The following THSD7B variants were observed in gnomAD, a reference collection of about 807,000 sequenced individuals.
THSD7B encodes thrombospondin type-1 domain-containing protein 7B.
Under a neutral mutation model 213.6 loss-of-function variants are expected in THSD7B, and 138 were observed. That is an observed-to-expected ratio of 0.65 (90% CI 0.56 to 0.74). THSD7B has a LOEUF of 0.74. Ranked by LOEUF, THSD7B falls within the 30% of genes least tolerant of loss-of-function variation. The probability of loss-of-function intolerance (pLI) is 0.00; values close to 1 mark genes in which losing one functional copy is unlikely to be tolerated. For synonymous variants in THSD7B, 742 were observed against 687.0 expected (o/e 1.08, Z -1.25); for missense variants, 1,931 against 1,991.5 (o/e 0.97, Z 0.58).
At chr2:137,201,567 C>A (rs1680876123) in intron 7 of THSD7B, among the ~76,000 whole-genome samples, 1 of 152,086 alleles carries the variant, frequency 6.6e-6, no homozygotes, top group South Asian at 2.1e-4. Flanking sequence ...ACATTGTACT[C>A]CATAAGTATA....
At chr2:137,474,937 A>G (rs1278721860) in intron 15 of THSD7B, among the ~76,000 whole-genome samples, 1 of 152,154 alleles carries the variant, frequency 6.6e-6, no homozygotes, top group Non-Finnish European at 1.5e-5. Context: ...TCCCATTTCT[A>G]TTCACTTCTT....
rs577998537 is a variant in THSD7B at position 137,030,846 on chromosome 2, G to A, written c.140-25574G>A. Among the ~76,000 whole-genome samples, 22 of 152,240 alleles carry A rather than the reference G, an allele frequency of 1.4e-4. No individual in the cohort carries two copies. The South Asian group carries it at 4.6e-3, about 32-fold the overall frequency. On this transcript the variant is annotated intron_variant, in intron 2 of 27. Transcript: ENST00000409968. The stretch of plus-strand genomic sequence containing the variant: ...AGTGTACACTATTTGGGTGATGGGT[G>A]CGGTAAAATCCTAGACTTCACCACT...
chr2:137,206,046 CT>C (rs35864577), intron 7 of THSD7B, among the ~76,000 whole-genome samples: 17 of 148,142 alleles, frequency 1.1e-4, no homozygotes, highest in Admixed American at 3.4e-4. Context: ...AGTGATTATC[CT>C]TTTTTTTTTT....
rs532040259 is a variant in THSD7B at position 137,128,895 on chromosome 2, A to G, written c.1369+13602A>G. The stretch of plus-strand genomic sequence containing the variant: ...GAGTTCCTATAAGAACCTTTTTCCA[A>G]TGAAAAGAACTTTAAGTGTCCAGGC... On this transcript the variant is annotated intron_variant, in intron 5 of 27. Transcript: ENST00000409968. Among the ~76,000 whole-genome samples the G allele has an allele frequency of 1.4e-4, 22 of 152,324 alleles. No individual in the cohort carries two copies. In the East Asian group the frequency reaches 2.7e-3, roughly 19 times the overall value.
rs869146863 is a variant in THSD7B at position 137,238,534 on chromosome 2, C to CTTTTTTTTTT, written c.2151-3902_2151-3893dup. 2.6e-3 allele frequency among the ~76,000 whole-genome samples: 136 copies of CTTTTTTTTTT among 51,876 alleles called. 24 individuals carry two copies. Among genetic ancestry groups the CTTTTTTTTTT allele is most frequent in the Non-Finnish European group, 2.9e-3 (83 of 28,870 alleles). 34.0% of individuals were successfully genotyped at this position (51,876 alleles called of 152,430 possible). A position where few individuals can be genotyped will look rare whatever the true frequency, so the allele number is the denominator to read the frequency against. On this transcript the variant is annotated intron_variant, in intron 9 of 27. Coordinates refer to ENST00000409968, the MANE Select transcript of THSD7B (RefSeq NM_001316349.2). Reference sequence around the variant, plus strand: ...TATCCTGATAATGACACTCATCTTTCTTTTTTTTTTTTTTTTTTTTTTTTT... The same window carrying CTTTTTTTTTT: ...TATCCTGATAATGACACTCATCTTTCTTTTTTTTTTTTTTTTTTTTTTTTTTTTTTTTTTT...
At chr2:137,323,526 C>G (rs1283329088) in intron 12 of THSD7B, among the ~76,000 whole-genome samples, 3 of 152,198 alleles carry the variant, frequency 2.0e-5, no homozygotes, top group Non-Finnish European at 1.5e-5. Context: ...TCTTCACTAA[C>G]TATGCTGAGA....
At chr2:136,997,319 T>G (rs750240290) in intron 2 of THSD7B, among the ~76,000 whole-genome samples, 2 of 152,240 alleles carry the variant, frequency 1.3e-5, no homozygotes, top group Non-Finnish European at 2.9e-5. Context: ...TACTTTATTC[T>G]TCTAAAATTA....
At chr2:137,354,197 G>T (rs35500065) in intron 12 of THSD7B, among the ~76,000 whole-genome samples, 9,852 of 151,830 alleles carry the variant, frequency 0.065, 451 homozygotes, top group Non-Finnish European at 0.1. Flanking sequence ...CTTCTTAAGG[G>T]CTACAGTAGT....
At chr2:137,263,044 G>A (rs922733116) in intron 10 of THSD7B, among the ~76,000 whole-genome samples, 1 of 152,128 alleles carries the variant, frequency 6.6e-6, no homozygotes, top group Non-Finnish European at 1.5e-5. Context: ...TTTAAGAACA[G>A]CAGTGGTTGG....
chr2:137,626,475 A>G (rs565930801), intron 20 of THSD7B, among the ~76,000 whole-genome samples: 38 of 147,928 alleles, frequency 2.6e-4, no homozygotes, highest in Admixed American at 7.4e-4. Context: ...AAAAAAAAAA[A>G]AAAAAGAAAA....
intron 15 of THSD7B, among the ~76,000 whole-genome samples, chr2:137,491,278 G>A (rs763995418): frequency 5.3e-5 from 8 of 151,612 alleles, no homozygotes; most frequent in Non-Finnish European, 1.2e-4. Context: ...TTGAAATGAG[G>A]GAAATGTGAA....
chr2:137,298,702 C>T (rs897352206), intron 12 of THSD7B, among the ~76,000 whole-genome samples: 8 of 152,160 alleles, frequency 5.3e-5, no homozygotes, highest in African/African-American at 1.9e-4. Flanking sequence ...ATGTACAGCT[C>T]AGGCTGTGCC....
intron 15 of THSD7B, among the ~76,000 whole-genome samples, chr2:137,497,212 G>C (rs200150757): frequency 2.5e-4 from 38 of 150,338 alleles, no homozygotes; most frequent in African/African-American, 9.0e-4. Context: ...CACACACACA[G>C]ACACACACAC....
chr2:136,838,902 TGG>T (rs1682880246), intron 1 of THSD7B, among the ~76,000 whole-genome samples: 1 of 152,200 alleles, frequency 6.6e-6, no homozygotes, highest in Non-Finnish European at 1.5e-5. Context: ...TCTGTGAGCA[TGG>T]GTTTCCTTAG....
rs188060596 is a variant in THSD7B, at chr2:137,036,963, G to A, written c.140-19457G>A. On this transcript the variant is annotated intron_variant, in intron 2 of 27. Coordinates refer to ENST00000409968, the MANE Select transcript of THSD7B (RefSeq NM_001316349.2). ...CCCCCCTTCTCTCTTCCTTCTCTGA[G>A]AAGAAGGTGTAGTTATAAAATTCTG... Among the ~76,000 whole-genome samples, 19 of 152,252 alleles carry A rather than the reference G, an allele frequency of 1.2e-4. No individual in the cohort carries two copies. The East Asian group carries it at 3.1e-3, about 25-fold the overall frequency.
At chr2:137,060,474 C>T (rs1051949976) in intron 3 of THSD7B, among the ~76,000 whole-genome samples, 6 of 151,204 alleles carry the variant, frequency 4.0e-5, no homozygotes, top group Non-Finnish European at 7.4e-5. Context: ...TTTTCTTCTA[C>T]GAGTTGCATA....
At chr2:137,444,166 C>A (rs1573628998) in intron 14 of THSD7B, among the ~76,000 whole-genome samples, 1 of 151,970 alleles carries the variant, frequency 6.6e-6, no homozygotes, top group Non-Finnish European at 1.5e-5. Flanking sequence ...GAGACCTAAA[C>A]AAGGTTGGAA....
At chr2:136,980,569 A>G (rs1685558000) in intron 2 of THSD7B, among the ~76,000 whole-genome samples, 1 of 152,182 alleles carries the variant, frequency 6.6e-6, no homozygotes, top group Non-Finnish European at 1.5e-5. Context: ...AATTCCTCCC[A>G]GTTCAAACTA....
At chr2:136,862,730 C>T (rs1364403472) in intron 1 of THSD7B, among the ~76,000 whole-genome samples, 1 of 152,160 alleles carries the variant, frequency 6.6e-6, no homozygotes, top group Non-Finnish European at 1.5e-5. Context: ...TAGAAAAAAG[C>T]ATTTTATTCA....
Sources: gnomAD v4.1 joint callset for allele counts (sites outside exome capture counted in the v4.1 genomes callset) on GRCh38, gnomAD v4.1.1 for gene constraint, MANE v1.5 for transcripts, NCBI Gene and HGNC (gene_info 2026-07-23, HGNC 2026-07-21) for gene names.